The following POC1B variants were observed in gnomAD, a reference collection of about 807,000 sequenced individuals.
POC1B encodes POC1 centriolar protein B, also known as POC1 centriolar protein homolog B.
A neutral mutation model predicts 60.6 loss-of-function variants in POC1B; 44 were observed. The observed-to-expected ratio is 0.73, with a 90% confidence interval of 0.57 to 0.93. POC1B has a LOEUF of 0.93. Among genes scored for constraint, POC1B ranks in the 40% least tolerant of loss-of-function variants. POC1B has a pLI of 0.00. For synonymous variants in POC1B, 180 were observed against 198.9 expected (o/e 0.90, Z 0.80); for missense variants, 555 against 572.3 (o/e 0.97, Z 0.31).
At chr12:89,490,173 T>C (rs1868879974) in intron 4 of POC1B, among the ~76,000 whole-genome samples, 1 of 152,088 alleles carries the variant, frequency 6.6e-6, no homozygotes, top group Non-Finnish European at 1.5e-5. Context: ...ACTCCAAACA[T>C]ACCAGCTACT....
At chr12:89,402,346 C>T in the POC1B span, among the ~76,000 whole-genome samples, 5 of 149,400 alleles carry the variant, frequency 3.3e-5, no homozygotes, top group East Asian at 7.8e-4. Flanking sequence ...AATACACACA[C>T]ACACACACAC....
intron 9 of POC1B, 86 bp downstream of exon 9, chr12:89,466,684 T>C: frequency 1.5e-6 from 2 of 1,316,444 alleles, no homozygotes; most frequent in East Asian, 4.7e-5. Flanking sequence ...AGGTTTTATA[T>C]ATAATTCAGT....
At chr12:89,412,883 A>ACTTCCTCCTTCCCTCC in the POC1B span, among the ~76,000 whole-genome samples, 43 of 89,674 alleles carry the variant, frequency 4.8e-4, no homozygotes, top group South Asian at 0.012. Flanking sequence ...TCCCTTCCTT[A>ACTTCCTCCTTCCCTCC]CTTCCTCCTT....
At chr12:89,523,465 T>C (rs1194722991) in intron 2 of POC1B, 1 of 1,613,928 alleles carries the variant, frequency 6.2e-7, no homozygotes. Context: ...GGGGAACACA[T>C]GGCCCACGTG....
At chr12:89,524,020 C>T (rs1416913192) in intron 2 of POC1B, 1 of 1,613,530 alleles carries the variant, frequency 6.2e-7, no homozygotes, top group Non-Finnish European at 8.5e-7. Flanking sequence ...AACTCTGTCA[C>T]TCAAGTCATC....
intron 3 of POC1B, among the ~76,000 whole-genome samples, chr12:89,492,344 G>A (rs1255644742): frequency 1.3e-5 from 2 of 152,046 alleles, no homozygotes; most frequent in Admixed American, 1.3e-4. Context: ...GAAGAGAATA[G>A]AAAAACAAAA....
chr12:89,500,041 T>G lies in POC1B; in HGVS notation c.101-2699A>C, dbSNP rs1483294116. The G allele has an allele frequency of 2.6e-6, 3 of 1,162,800 alleles. No homozygotes were observed. In the African/African-American group the frequency reaches 4.6e-5, roughly 18 times the overall value. The allele number at this position is 1,162,800 out of a possible 1,614,324, so 72.0% of individuals were successfully genotyped here. A position where few individuals can be genotyped will look rare whatever the true frequency, so the allele number is the denominator to read the frequency against. ...CTTGCTCGGCCTCCTGGAGCTGTGG[T>G]CTGTGTGGGCTTCCACCTCAGACAC... On this transcript the variant is annotated intron_variant, in intron 2 of 11. Coordinates refer to ENST00000313546, the MANE Select transcript of POC1B (RefSeq NM_172240.3).
chr12:89,522,661 G>T, intron 2 of POC1B: 1 of 936,376 alleles, frequency 1.1e-6, no homozygotes, highest in Non-Finnish European at 1.5e-6. Flanking sequence ...GTTTCAGTGT[G>T]ATATACCAAA....
At chr12:89,437,173 C>G (rs1881305213) in intron 10 of POC1B, among the ~76,000 whole-genome samples, 1 of 152,162 alleles carries the variant, frequency 6.6e-6, no homozygotes, top group Non-Finnish European at 1.5e-5. Flanking sequence ...GCCTCCTAAT[C>G]CTCCATGCCT....
chr12:89,522,975 T>A (rs908607843), intron 2 of POC1B: 1 of 1,613,930 alleles, frequency 6.2e-7, no homozygotes, highest in African/African-American at 1.3e-5. Flanking sequence ...TGTTTGCTGG[T>A]ACAGGGAACC....
chr12:89,409,183 T>C, the POC1B span, among the ~76,000 whole-genome samples: 457 of 152,360 alleles, frequency 3.0e-3, 2 homozygotes, highest in African/African-American at 0.01. Flanking sequence ...GTTTCAGTCA[T>C]GAAGTCTTTG....
the POC1B span, among the ~76,000 whole-genome samples, chr12:89,411,866 G>C: frequency 6.6e-6 from 1 of 152,156 alleles, no homozygotes; most frequent in Non-Finnish European, 1.5e-5. Flanking sequence ...ACACCCCCTT[G>C]CAAGAACATC....
chr12:89,506,897 T>C (rs1325520551), intron 2 of POC1B, among the ~76,000 whole-genome samples: 1 of 152,098 alleles, frequency 6.6e-6, no homozygotes, highest in Non-Finnish European at 1.5e-5. Context: ...ATATTGAAGA[T>C]ATATACTTAA....
chr12:89,524,348 G>A, intron 2 of POC1B: 1 of 1,613,974 alleles, frequency 6.2e-7, no homozygotes, highest in Non-Finnish European at 8.5e-7. Flanking sequence ...GAATCTGCAG[G>A]GGGCTTCTTA....
chr12:89,422,031 C>A (rs1464402334), intron 11 of POC1B, among the ~76,000 whole-genome samples: 1 of 139,054 alleles, frequency 7.2e-6, no homozygotes, highest in African/African-American at 2.5e-5. Flanking sequence ...TGCCTTCATT[C>A]TTTTGTATCT....
At chr12:89,487,870 A>ACT (rs1487875703) in intron 4 of POC1B, among the ~76,000 whole-genome samples, 1 of 151,716 alleles carries the variant, frequency 6.6e-6, no homozygotes, top group African/African-American at 2.4e-5. Context: ...TTCAATTCTC[A>ACT]CTTATTTATT....
chr12:89,419,488 C>T (rs997462680), downstream of POC1B, among the ~76,000 whole-genome samples: 4 of 151,994 alleles, frequency 2.6e-5, no homozygotes, highest in Admixed American at 2.0e-4. Flanking sequence ...ACAGGTGGTT[C>T]CTAAAGTGTG....
chr12:89,416,836 G>A (rs1880373897), downstream of POC1B, among the ~76,000 whole-genome samples: 1 of 152,196 alleles, frequency 6.6e-6, no homozygotes, highest in Non-Finnish European at 1.5e-5. Flanking sequence ...AGCTGGATTT[G>A]TGTTCATCCC....
intron 10 of POC1B, chr12:89,428,576 A>C (rs1880875742): frequency 6.6e-6 from 1 of 150,482 alleles, no homozygotes; most frequent in South Asian, 2.1e-4. Flanking sequence ...TTTTTTTTTG[A>C]GATGGAGTCT....
Sources: allele counts gnomAD v4.1 joint callset (sites outside exome capture counted in the v4.1 genomes callset), GRCh38; gene constraint gnomAD v4.1.1; transcripts MANE v1.5; gene names NCBI Gene and HGNC (gene_info 2026-07-23, HGNC 2026-07-21).